Variants in TMEM43 observed in about 807,000 individuals in gnomAD.
TMEM43 encodes the protein arrhythmogenic right ventricular dysplasia 5.
Under a neutral mutation model 49.6 loss-of-function variants are expected in TMEM43, and 45 were observed. The ratio of observed to expected loss-of-function variants is 0.91; its 90% CI spans 0.71 to 1.16. The LOEUF (loss-of-function observed/expected upper bound fraction) is 1.16. Ranked by LOEUF, TMEM43 falls within the 50% of genes most tolerant of loss-of-function variation. TMEM43 has a pLI of 0.00. For missense variants in TMEM43, 532 were observed against 516.6 expected, an observed-to-expected ratio of 1.03 and a Z score of -0.29; for synonymous variants, 199 against 207.8, an observed-to-expected ratio of 0.96 and a Z score of 0.36.
chr3:14,139,780 C>T (rs1052966643), intron 11 of TMEM43, among the ~76,000 whole-genome samples: 1 of 152,294 alleles, frequency 6.6e-6, no homozygotes, highest in East Asian at 1.9e-4. Context: ...TTCCTCACTC[C>T]AAAACCTGGG....
chr3:14,140,246 T>C (rs1695229895), intron 11 of TMEM43, among the ~76,000 whole-genome samples: 1 of 152,166 alleles, frequency 6.6e-6, no homozygotes, highest in Admixed American at 6.5e-5. Flanking sequence ...TAGCGAGAGA[T>C]GAGCATTTAA....
Position 14,143,581 on chromosome 3 carries a change from G to GA in TMEM43, c.*1789dup, listed in dbSNP as rs1200580914. 6.6e-6 allele frequency: 1 copy of GA among 152,154 alleles called. No homozygotes were observed. Among genetic ancestry groups the GA allele is most frequent in the Non-Finnish European group, 1.5e-5 (1 of 67,998 alleles). The allele number at this position is 152,154 out of a possible 1,614,324, so 9.4% of individuals were successfully genotyped here. A position where few individuals can be genotyped will look rare whatever the true frequency, so the allele number is the denominator to read the frequency against. On this transcript the variant is annotated 3_prime_UTR_variant, in exon 12 of 12. Transcript: ENST00000306077. ...CCGACTTCAAAAGTGTTCTTAAAAC[G>GA]AAAGATAATGTTAAGAAAAATTTGA...
intron 10 of TMEM43, among the ~76,000 whole-genome samples, chr3:14,136,518 C>T (rs149948678): frequency 3.8e-4 from 58 of 152,276 alleles, no homozygotes; most frequent in Non-Finnish European, 5.3e-4. Context: ...GTAGAACATC[C>T]GTTTCTGCAG....
At position 14,131,804 on chromosome 3, in the gene TMEM43, G is replaced by T. The variant is rs1695100612; in HGVS notation, c.392+130G>T. On this transcript the variant is annotated intron_variant, in intron 4 of 11. Coordinates refer to ENST00000306077, the MANE Select transcript of TMEM43 (RefSeq NM_024334.3). Reference sequence around the variant, plus strand: ...TATAACATCTTCCTATCAGAAAAGTGTGAAATGATCCCCAAATTAATAGCC... The same window carrying T: ...TATAACATCTTCCTATCAGAAAAGTTTGAAATGATCCCCAAATTAATAGCC... The T allele has an allele frequency of 6.7e-6, 5 of 750,768 alleles. No homozygotes were observed. In the East Asian group the frequency reaches 1.4e-4, roughly 20 times the overall value. The allele number at this position is 750,768 out of a possible 1,614,324, so 46.5% of individuals were successfully genotyped here. A position where few individuals can be genotyped will look rare whatever the true frequency, so the allele number is the denominator to read the frequency against.
chr3:14,125,465 TC>T (rs1165974339), intron 1 of TMEM43, among the ~76,000 whole-genome samples: 5 of 152,200 alleles, frequency 3.3e-5, no homozygotes, highest in African/African-American at 1.2e-4. Context: ...GAGGTGTTGC[TC>T]CCGTACTGGG....
In TMEM43 at chr3:14,128,895, A is replaced by G. The variant is rs151145310; in HGVS notation, c.13-517A>G. 2,530 of 451,298 alleles carry G rather than the reference A, an allele frequency of 5.6e-3. 13 individuals are homozygous for G. Among genetic ancestry groups the G allele is most frequent in the Non-Finnish European group, 6.9e-3 (1,556 of 225,338 alleles). The allele number at this position is 451,298 out of a possible 1,614,324, so 28.0% of individuals were successfully genotyped here. On this transcript the variant is annotated intron_variant, in intron 1 of 11. Transcript: ENST00000306077. ...TGTCAAGATACCCATCCACTGACGA[A>G]TGATTCAGCACACTGTGGTATAGTC...
rs1695282991 is a variant in TMEM43 at position 14,143,524 on chromosome 3, G to A, written c.*1729G>A. The A allele has an allele frequency of 6.6e-6, 1 of 152,104 alleles. No homozygotes were observed. Among genetic ancestry groups the A allele is most frequent in the African/African-American group, 2.4e-5 (1 of 41,424 alleles). The allele number at this position is 152,104 out of a possible 1,614,324, so 9.4% of individuals were successfully genotyped here. ...ACTAAATGCAAAATCCTTGGGCTTT[G>A]GTTTTTTTCTAGTAAGGATTTTAAA... On this transcript the variant is annotated 3_prime_UTR_variant, in exon 12 of 12. Coordinates refer to ENST00000306077, the MANE Select transcript of TMEM43 (RefSeq NM_024334.3).
At chr3:14,129,639 T>C in intron 2 of TMEM43, 78 bp downstream of exon 2, 3 of 1,534,626 alleles carry the variant, frequency 2.0e-6, no homozygotes, top group Non-Finnish European at 2.7e-6. Flanking sequence ...ACCCGGAGGC[T>C]GGATTTGGTA....
In TMEM43 at chr3:14,125,137, G is replaced by C. The variant is rs572207514; in HGVS notation, c.-57G>C. The C allele has an allele frequency of 2.5e-6, 4 of 1,604,918 alleles. No homozygotes were observed. The East Asian group carries it at 6.7e-5, about 27-fold the overall frequency. On this transcript the variant is annotated 5_prime_UTR_variant, in exon 1 of 12. Coordinates refer to ENST00000306077, the MANE Select transcript of TMEM43 (RefSeq NM_024334.3). ...GGCCGCTGGACACCACGCTCCAGTC[G>C]TCAGCCCACTTCCTAGCTGAACAGC...
intron 1 of TMEM43, among the ~76,000 whole-genome samples, chr3:14,126,834 C>A (rs1695027497): frequency 6.6e-6 from 1 of 152,150 alleles, no homozygotes; most frequent in South Asian, 2.1e-4. Context: ...AAGAAGATAG[C>A]GGGATGGAGC....
chr3:14,141,624 C>G lies in TMEM43; in HGVS notation c.1032C>G (p.Val344=). The part of the protein sequence containing the change: ...VDWFPVFRDL[V]NIGLKAFAFC... ...GGTTTCCTGTTTTCCGAGACCTGGT[C>G]AACATTGGCCTGAAAGCCTTTGCCT... The change falls in exon 12 of 12, where the codon GTC becomes GTG. Residue 344 remains valine (V), a synonymous_variant. Coordinates refer to ENST00000306077, the MANE Select transcript of TMEM43 (RefSeq NM_024334.3). 1 of 1,614,180 alleles carries G rather than the reference C, an allele frequency of 6.2e-7. No individual in the cohort carries two copies. The highest frequency in any genetic ancestry group is 1.3e-5 in the African/African-American group (1 of 75,034).
intron 4 of TMEM43, among the ~76,000 whole-genome samples, 164 bp downstream of exon 4, chr3:14,131,838 G>A (rs1695100872): frequency 6.6e-6 from 1 of 152,208 alleles, no homozygotes; most frequent in Non-Finnish European, 1.5e-5. Context: ...CCAGTGATTT[G>A]GAAGTGGCAA....
At chr3:14,135,487 G>T (rs771490516) in intron 9 of TMEM43, among the ~76,000 whole-genome samples, 1 of 152,180 alleles carries the variant, frequency 6.6e-6, no homozygotes, top group East Asian at 1.9e-4. Context: ...AGGTGTTCCA[G>T]TCACACACAG....
At chr3:14,128,737 G>A (rs1382964620) in intron 1 of TMEM43, 1 of 255,502 alleles carries the variant, frequency 3.9e-6, no homozygotes, top group Non-Finnish European at 7.9e-6. Context: ...AAAGTTAAAC[G>A]TACATCTTCT....
At chr3:14,137,070 G>GGTTAGCTGTGACCTTGC (rs1250161578) in intron 10 of TMEM43, 1 of 149,686 alleles carries the variant, frequency 6.7e-6, no homozygotes, top group Non-Finnish European at 1.5e-5. Flanking sequence ...AGGCATCAGG[G>GGTTAGCTGTGACCTTGC]GTTAGCTGTG....
At chr3:14,125,319 C>G (rs745941923) in intron 1 of TMEM43, 114 bp downstream of exon 1, 17 of 1,265,718 alleles carry the variant, frequency 1.3e-5, no homozygotes, top group Middle Eastern at 2.5e-4. Flanking sequence ...TGCGGCTAGG[C>G]CCGCATCTCC....
chr3:14,135,359 C>T (rs895712318), intron 9 of TMEM43, 127 bp downstream of exon 9: 1 of 794,388 alleles, frequency 1.3e-6, no homozygotes, highest in African/African-American at 1.7e-5. Context: ...CTCTCGCACA[C>T]ACTCTCAGCC....
intron 1 of TMEM43, among the ~76,000 whole-genome samples, chr3:14,126,861 T>G (rs1202091312): frequency 6.6e-6 from 1 of 152,182 alleles, no homozygotes; most frequent in Non-Finnish European, 1.5e-5. Context: ...GCAACAAAAT[T>G]CTCAATCAGT....
chr3:14,140,140 T>C (rs1401285094), intron 11 of TMEM43, among the ~76,000 whole-genome samples: 2 of 152,226 alleles, frequency 1.3e-5, no homozygotes, highest in East Asian at 1.9e-4. Flanking sequence ...TTGTTTACAG[T>C]TGGGAAAACA....
Sources: gnomAD v4.1 joint callset for allele counts (sites outside exome capture counted in the v4.1 genomes callset) on GRCh38, gnomAD v4.1.1 for gene constraint, MANE v1.5 for transcripts, NCBI Gene and HGNC (gene_info 2026-07-23, HGNC 2026-07-21) for gene names.